Variants in TNK2 observed in about 807,000 individuals in gnomAD.
The protein encoded by TNK2 is activated CDC42 kinase 1.
Under a neutral mutation model 101.8 loss-of-function variants are expected in TNK2, and 83 were observed. That is an observed-to-expected ratio of 0.82 (90% CI 0.68 to 0.98). The LOEUF is 0.98. TNK2 is among the 50% of genes least tolerant of loss of function. The pLI, the probability that TNK2 is intolerant of heterozygous loss-of-function variation, is 0.00. For missense variants in TNK2, 1,665 were observed against 1,483.2 expected (o/e 1.12, Z -2.01); for synonymous variants, 804 against 633.0 (o/e 1.27, Z -4.06).
chr3:195,881,681 C>T lies in TNK2; in HGVS notation c.887+370G>A, dbSNP rs117220947. Among the ~76,000 whole-genome samples, 16 of 116,582 alleles carry T rather than the reference C, an allele frequency of 1.4e-4. No individual in the cohort carries two copies. In the East Asian group the frequency reaches 2.3e-3, roughly 17 times the overall value. 76.5% of individuals were successfully genotyped at this position (116,582 alleles called of 152,430 possible). ...TTTGGAGAGGACACAGCATTTATCC[C>T]TATAACACCCCCCCGCCAGCAATGC... is the stretch of plus-strand genomic sequence containing the variant. On this transcript the variant is annotated intron_variant, in intron 6 of 15. Coordinates refer to ENST00000672887, the MANE Select transcript of TNK2 (RefSeq NM_001382273.1).
At chr3:195,901,970 A>G (rs1761252076) in intron 1 of TNK2, among the ~76,000 whole-genome samples, 1 of 152,230 alleles carries the variant, frequency 6.6e-6, no homozygotes, top group African/African-American at 2.4e-5. Flanking sequence ...GGAAGTCTGA[A>G]GAAGGGACAG....
intron 1 of TNK2, among the ~76,000 whole-genome samples, chr3:195,889,529 C>T (rs1025815829): frequency 6.6e-6 from 1 of 152,230 alleles, no homozygotes; most frequent in Non-Finnish European, 1.5e-5. Flanking sequence ...CGAATATTCA[C>T]GCATTAACCA....
In TNK2 at chr3:195,868,166, T is replaced by C. The variant is rs1742221177; in HGVS notation, c.2132A>G (p.Lys711Arg). 1 of 1,610,678 alleles carries C rather than the reference T, an allele frequency of 6.2e-7. No individual in the cohort carries two copies. The highest frequency in any genetic ancestry group is 8.5e-7 in the Non-Finnish European group (1 of 1,179,112). Residue 711 changes from lysine to arginine, a missense_variant, in exon 13 of 16, where the codon AAG (lysine) becomes AGG (arginine). Coordinates refer to ENST00000672887, the MANE Select transcript of TNK2 (RefSeq NM_001382273.1). The stretch of plus-strand genomic sequence containing the variant: ...TGCGGTCTGTGCGGAGCTGGGCGGC[T>C]TGCCCCCACCCTGGGGCGGGAGGAA... ...NLFLPPQGGG[K>R]PPSSAQTAEI...
intron 1 of TNK2, among the ~76,000 whole-genome samples, chr3:195,896,476 C>T (rs964798455): frequency 6.6e-6 from 1 of 152,186 alleles, no homozygotes; most frequent in African/African-American, 2.4e-5. Flanking sequence ...GCGAGGCCCC[C>T]GAACGCCTGC....
chr3:195,882,533 GAGAA>G lies in TNK2; in HGVS notation c.610-209_610-206del. The G allele has an allele frequency of 6.5e-7, 1 of 1,531,942 alleles. No individual in the cohort carries two copies. Among genetic ancestry groups the G allele is most frequent in the Non-Finnish European group, 8.7e-7 (1 of 1,144,436 alleles). 94.9% of individuals were successfully genotyped at this position (1,531,942 alleles called of 1,614,324 possible). A position where few individuals can be genotyped will look rare whatever the true frequency, so the allele number is the denominator to read the frequency against. ...GCAATTTGGGAAACTGATGCCTAGA[GAGAA>G]GGAGCCCAAAGAGGCAGTGGCTAGA... is the stretch of plus-strand genomic sequence containing the variant. On this transcript the variant is annotated intron_variant, in intron 5 of 15. Transcript: ENST00000672887. This position sits in a 1 kb window ranked among gnomAD's most constrained non-coding sequence, Gnocchi z 4.2.
chr3:195,864,212 C>G (rs377680549), intron 15 of TNK2, 25 bp from the exon 16 acceptor site: 2 of 1,613,904 alleles, frequency 1.2e-6, no homozygotes, highest in South Asian at 2.2e-5. Context: ...ACCACCAGCA[C>G]AGTTAAACAG....
chr3:195,904,303 G>A (rs1326762371), intron 1 of TNK2, among the ~76,000 whole-genome samples: 2 of 150,154 alleles, frequency 1.3e-5, no homozygotes, highest in Non-Finnish European at 3.0e-5. Context: ...CCAAGTAAAT[G>A]GATAAACAAA....
chr3:195,899,563 C>T (rs1430481330), intron 1 of TNK2, among the ~76,000 whole-genome samples: 1 of 152,202 alleles, frequency 6.6e-6, no homozygotes, highest in Non-Finnish European at 1.5e-5. Context: ...ATCTCCTGAC[C>T]TCATGATCCG....
chr3:195,870,503 C>A (rs534737099), intron 10 of TNK2: 2 of 919,924 alleles, frequency 2.2e-6, no homozygotes, highest in Non-Finnish European at 3.0e-6. Flanking sequence ...CCAGCCCACA[C>A]CAGGCAGCGG....
At chr3:195,872,159 C>A in intron 10 of TNK2, 117 bp downstream of exon 10, 1 of 1,197,428 alleles carries the variant, frequency 8.4e-7, no homozygotes, top group Admixed American at 2.3e-5. Context: ...AGTGGCGGGT[C>A]GGGGGCTGAA....
chr3:195,873,375 G>A (rs887310803), intron 9 of TNK2, among the ~76,000 whole-genome samples: 1 of 152,236 alleles, frequency 6.6e-6, no homozygotes, highest in Non-Finnish European at 1.5e-5. Flanking sequence ...TCCCGCGTCT[G>A]CTGCTGGACT....
At position 195,878,553 on chromosome 3, in the gene TNK2, G is replaced by T; in HGVS notation, c.1054C>A (p.Arg352=). The change falls in exon 8 of 16, where the codon CGG becomes AGG. Residue 352 remains arginine (R), a synonymous_variant. Coordinates refer to ENST00000672887, the MANE Select transcript of TNK2 (RefSeq NM_001382273.1). The surrounding 1 kb of genome is among the most constrained non-coding windows in gnomAD (Gnocchi z 4.7). ...KIDKEGERLP[R]PEDCPQDIYN... is the part of the protein sequence containing the mutation. ...ATGTCCTGGGGACAGTCCTCGGGCCGGGGCAGCCGCTCCCCCTCCTTGTCG... is the reference window on the plus strand; with the variant it reads ...ATGTCCTGGGGACAGTCCTCGGGCCTGGGCAGCCGCTCCCCCTCCTTGTCG... The T allele has an allele frequency of 6.2e-7, 1 of 1,613,502 alleles. No individual in the cohort carries two copies. Among genetic ancestry groups the T allele is most frequent in the Non-Finnish European group, 8.5e-7 (1 of 1,179,966 alleles).
chr3:195,879,258 A>C, intron 6 of TNK2, 83 bp from the exon 7 acceptor site: 1 of 1,575,746 alleles, frequency 6.3e-7, no homozygotes, highest in Non-Finnish European at 8.6e-7. Flanking sequence ...CTCATGCAGC[A>C]AACACTTGTT....
In TNK2 at chr3:195,867,282, T is replaced by C. The variant is rs966257794; in HGVS notation, c.2938-18A>G. 6 of 1,144,784 alleles carry C rather than the reference T, an allele frequency of 5.2e-6. No homozygotes were observed. The highest frequency in any genetic ancestry group is 2.5e-5 in the Admixed American group (1 of 40,718). 70.9% of individuals were successfully genotyped at this position (1,144,784 alleles called of 1,614,324 possible). On this transcript the variant is annotated intron_variant, in intron 13 of 15. Transcript: ENST00000672887. ...GCCTGCAGCTGGGCACACCCACCCC[T>C]GTCAGCACCACTAGGGCCCACTGCT...
Position 195,907,920 on chromosome 3 carries a change from T to C in TNK2, c.-19+565A>G, listed in dbSNP as rs531517068. On this transcript the variant is annotated intron_variant, in intron 1 of 15. Coordinates refer to ENST00000672887, the MANE Select transcript of TNK2 (RefSeq NM_001382273.1). Reference sequence around the variant, plus strand: ...CCCTCCTTCCGCCCACTAATCATCCTTGGCTCTGGGCCCTCAGGGTAAATC... The same window carrying C: ...CCCTCCTTCCGCCCACTAATCATCCCTGGCTCTGGGCCCTCAGGGTAAATC... 3.3e-5 allele frequency among the ~76,000 whole-genome samples: 5 copies of C among 152,316 alleles called. No homozygotes were observed. In the South Asian group the frequency reaches 1.0e-3, roughly 32 times the overall value.
In TNK2 at chr3:195,892,141, CTCTCCAAT is replaced by C. The variant is rs575715798; in HGVS notation, c.-18-3543_-18-3536del. On this transcript the variant is annotated intron_variant, in intron 1 of 15. Transcript: ENST00000672887. ...CTGCAGCTCCTCCAGAGTTCAAACA[CTCTCCAAT>C]TCTGCATGGTCCTGGCCCCCGCACC... 922 of 562,640 alleles carry C rather than the reference CTCTCCAAT, an allele frequency of 1.6e-3. 6 individuals carry two copies. The highest frequency in any genetic ancestry group is 0.016 in the African/African-American group (805 of 51,000). 34.9% of individuals were successfully genotyped at this position (562,640 alleles called of 1,614,324 possible). A position where few individuals can be genotyped will look rare whatever the true frequency, so the allele number is the denominator to read the frequency against.
Position 195,888,676 on chromosome 3 carries a change from G to A in TNK2, c.-18-70C>T. ...AACAGGGGCCTGCCCGAGTGACCTGGGCTCACCTTCATCCCACTACACGGC... is the reference window on the plus strand; with the variant it reads ...AACAGGGGCCTGCCCGAGTGACCTGAGCTCACCTTCATCCCACTACACGGC... On this transcript the variant is annotated intron_variant, in intron 1 of 15. Transcript: ENST00000672887. This position sits in a 1 kb window ranked among gnomAD's most constrained non-coding sequence, Gnocchi z 5.3. 3 of 1,438,300 alleles carry A rather than the reference G, an allele frequency of 2.1e-6. No individual in the cohort carries two copies. In the South Asian group the frequency reaches 3.9e-5, roughly 19 times the overall value. The allele number at this position is 1,438,300 out of a possible 1,614,324, so 89.1% of individuals were successfully genotyped here. A position where few individuals can be genotyped will look rare whatever the true frequency, so the allele number is the denominator to read the frequency against.
intron 6 of TNK2, 88 bp downstream of exon 6, chr3:195,881,963 C>T (rs996042430): frequency 1.3e-6 from 2 of 1,494,332 alleles, no homozygotes; most frequent in African/African-American, 2.8e-5. Context: ...CAAGCAAAAC[C>T]AGGGGCTGTG....
intron 1 of TNK2, among the ~76,000 whole-genome samples, chr3:195,907,880 C>T (rs1382414251): frequency 6.6e-6 from 1 of 152,214 alleles, no homozygotes; most frequent in East Asian, 1.9e-4. Context: ...GACGAGAGGG[C>T]TCACCAGTTG....
Sources: gnomAD v4.1 joint callset for allele counts (sites outside exome capture counted in the v4.1 genomes callset) on GRCh38, gnomAD v4.1.1 for gene constraint, Gnocchi (gnomAD v3.1) non-coding constraint, MANE v1.5 for transcripts, NCBI Gene and HGNC (gene_info 2026-07-23, HGNC 2026-07-21) for gene names.